Variants in BCO1 observed in about 807,000 individuals in gnomAD.
BCO1 encodes the protein beta-carotene oxygenase 1.
BCO1 carries 54 observed loss-of-function variants against 56.3 expected under a neutral mutation model. The ratio of observed to expected loss-of-function variants is 0.96; its 90% CI spans 0.77 to 1.20. The LOEUF (loss-of-function observed/expected upper bound fraction) is 1.20, where lower values mean the gene tolerates loss of function less well. BCO1 is among the 50% of genes most tolerant of loss of function. The pLI, the probability that BCO1 is intolerant of heterozygous loss-of-function variation, is 0.00. For synonymous variants in BCO1, 318 were observed against 266.1 expected, an observed-to-expected ratio of 1.20 and a Z score of -1.90; for missense variants, 801 against 690.9, an observed-to-expected ratio of 1.16 and a Z score of -1.79.
intron 1 of BCO1, among the ~76,000 whole-genome samples, chr16:81,244,153 A>C (rs1217996328): frequency 1.3e-5 from 2 of 152,228 alleles, no homozygotes; most frequent in East Asian, 3.9e-4. Flanking sequence ...AGCTGCAGGC[A>C]TTTGCAGAAA....
intron 1 of BCO1, among the ~76,000 whole-genome samples, chr16:81,240,652 C>G (rs1029354762): frequency 1.3e-5 from 2 of 151,792 alleles, no homozygotes; most frequent in African/African-American, 2.4e-5. Context: ...TTGCAGTGAG[C>G]TGAGATCGTG....
Position 81,264,755 on chromosome 16 carries a change from A to T in BCO1, c.587A>T (p.Tyr196Phe), listed in dbSNP as rs1906706082. 1 of 1,614,072 alleles carries T rather than the reference A, an allele frequency of 6.2e-7. No individual in the cohort carries two copies. Among genetic ancestry groups the T allele is most frequent in the African/African-American group, 1.3e-5 (1 of 74,918 alleles). ...TSIVEKGKTK[Y>F]VIFKIPATVP... is the part of the protein sequence containing the mutation. ...ATTGTGGAAAAGGGGAAGACAAAGT[A>T]TGTGATTTTTAAGATCCCTGCCACA... The change falls in exon 5 of 11, where the codon TAT (tyrosine) becomes TTT (phenylalanine). Residue 196 changes from tyrosine to phenylalanine, a missense_variant. By Grantham distance (22) the Tyr-to-Phe change is conservative. Transcript: ENST00000258168.
chr16:81,268,302 G>T lies in BCO1; in HGVS notation c.843+171G>T, dbSNP rs200031322. Among the ~76,000 whole-genome samples the T allele has an allele frequency of 6.6e-5, 10 of 152,242 alleles. No individual in the cohort carries two copies. The East Asian group carries it at 1.9e-3, about 29-fold the overall frequency. ...CTGAAGCTGGATGGTCCTTCAGAAT[G>T]GCCCCCAGGCCTTTGTACCCCCACG... On this transcript the variant is annotated intron_variant, in intron 6 of 10. Transcript: ENST00000258168.
At chr16:81,282,880 G>GC (rs1375356746) in intron 8 of BCO1, among the ~76,000 whole-genome samples, 2 of 152,092 alleles carry the variant, frequency 1.3e-5, no homozygotes, top group African/African-American at 2.4e-5. Context: ...TTTCATCCCG[G>GC]CAGTGTCATT....
At chr16:81,278,198 C>T (rs775642067) in intron 7 of BCO1, among the ~76,000 whole-genome samples, 4 of 152,048 alleles carry the variant, frequency 2.6e-5, no homozygotes, top group African/African-American at 7.2e-5. Context: ...TGTGCTACCA[C>T]GCAGGGCTAA....
At chr16:81,285,962 A>G (rs1312422452) in intron 9 of BCO1, among the ~76,000 whole-genome samples, 1 of 151,774 alleles carries the variant, frequency 6.6e-6, no homozygotes, top group East Asian at 1.9e-4. Context: ...GACCTAAGGA[A>G]CTCACCCTCT....
intron 2 of BCO1, among the ~76,000 whole-genome samples, chr16:81,254,870 C>T (rs975082067): frequency 6.6e-6 from 1 of 152,144 alleles, no homozygotes; most frequent in African/African-American, 2.4e-5. Context: ...GATCTTGGCT[C>T]ACTGTAGCCT....
chr16:81,287,382 C>G lies in BCO1; in HGVS notation c.1390C>G (p.Pro464Ala). The G allele has an allele frequency of 6.2e-7, 1 of 1,613,978 alleles. No homozygotes were observed. The highest frequency in any genetic ancestry group is 8.5e-7 in the Non-Finnish European group (1 of 1,179,954). The change falls in exon 10 of 11, where the codon CCA becomes GCA. Residue 464 changes from proline to alanine, a missense_variant. Physicochemically the swap from Pro to Ala is conservative, Grantham distance 27. Coordinates refer to ENST00000258168, the MANE Select transcript of BCO1 (RefSeq NM_017429.3). Reference sequence around the variant, plus strand: ...AGCGGAACCCCTGTTTGTGCCCGCGCCAGGTGCCAAGGATGAGGATGACGG... The same window carrying G: ...AGCGGAACCCCTGTTTGTGCCCGCGGCAGGTGCCAAGGATGAGGATGACGG... ...WPAEPLFVPA[P>A]GAKDEDDGVI...
chr16:81,260,697 C>T (rs1320906315), intron 3 of BCO1, among the ~76,000 whole-genome samples: 2 of 152,050 alleles, frequency 1.3e-5, no homozygotes, highest in South Asian at 2.1e-4. Flanking sequence ...TCAGTAGAGA[C>T]GGGGTTTCAC....
chr16:81,267,136 T>C (rs948306189), intron 5 of BCO1, among the ~76,000 whole-genome samples: 10 of 152,192 alleles, frequency 6.6e-5, no homozygotes, highest in African/African-American at 2.4e-4. Flanking sequence ...CATTCTGTTC[T>C]CTACCTTCAC....
chr16:81,282,919 C>T (rs553892477), intron 8 of BCO1, among the ~76,000 whole-genome samples: 13 of 152,222 alleles, frequency 8.5e-5, no homozygotes, highest in South Asian at 2.1e-4. Flanking sequence ...GATTTGTTCA[C>T]GTACATCAAG....
At chr16:81,244,717 C>CTTTTTTTTTTTT (rs55904406) in intron 1 of BCO1, among the ~76,000 whole-genome samples, 1 of 129,220 alleles carries the variant, frequency 7.7e-6, no homozygotes, top group African/African-American at 3.0e-5. Context: ...TTGCCCCTAT[C>CTTTTTTTTTTTT]TTTTTTTTTT....
chr16:81,257,128 C>T (rs1201426695), intron 2 of BCO1, among the ~76,000 whole-genome samples: 1 of 152,144 alleles, frequency 6.6e-6, no homozygotes, highest in African/African-American at 2.4e-5. Context: ...AAATTCTACT[C>T]ATCCTTTAAG....
rs78699050 is a variant in BCO1, at chr16:81,245,485, A to T, written c.75A>T (p.Pro25=). 2.0e-4 allele frequency: 330 copies of T among 1,614,238 alleles called. 1 individual carries two copies. The African/African-American group carries it at 4.1e-3, about 20-fold the overall frequency. The change falls in exon 2 of 11, where the codon CCA becomes CCT. Residue 25 remains proline, a synonymous_variant. Coordinates refer to ENST00000258168, the MANE Select transcript of BCO1 (RefSeq NM_017429.3). ...TCTCTCTTTTCTCAGGCAAGATTCCAGCATGGCTGCAGGGAACCCTGCTCC... is the reference window on the plus strand; with the variant it reads ...TCTCTCTTTTCTCAGGCAAGATTCCTGCATGGCTGCAGGGAACCCTGCTCC... ...PVRAKVTGKI[P]AWLQGTLLRN...
In BCO1 at chr16:81,249,388, C is replaced by T. The variant is rs554013991; in HGVS notation, c.193+3785C>T. Among the ~76,000 whole-genome samples the T allele has an allele frequency of 2.6e-5, 4 of 152,192 alleles. No individual in the cohort carries two copies. In the East Asian group the frequency reaches 7.7e-4, roughly 29 times the overall value. On this transcript the variant is annotated intron_variant, in intron 2 of 10. Transcript: ENST00000258168. ...TCTCCTGTGTCAGCCTCCCGAGTAG[C>T]TGGGACTACAGGCTCCCACCACCAC...
chr16:81,288,114 C>T (rs1297619695), intron 10 of BCO1, among the ~76,000 whole-genome samples: 1 of 152,130 alleles, frequency 6.6e-6, no homozygotes, highest in African/African-American at 2.4e-5. Context: ...TAGAGGTGAC[C>T]TCCCAGAAGC....
chr16:81,269,192 C>T (rs755238774), intron 6 of BCO1, among the ~76,000 whole-genome samples: 2 of 150,774 alleles, frequency 1.3e-5, no homozygotes, highest in Non-Finnish European at 2.9e-5. Context: ...CCCCAACTCA[C>T]TTCCCCCCTC....
chr16:81,262,091 G>A, intron 3 of BCO1, 45 bp from the exon 4 acceptor site: 1 of 1,606,000 alleles, frequency 6.2e-7, no homozygotes, highest in Non-Finnish European at 8.5e-7. Context: ...TTCTCTGGCT[G>A]GGTGGACATA....
intron 7 of BCO1, among the ~76,000 whole-genome samples, chr16:81,277,219 G>C (rs1156784203): frequency 1.3e-5 from 2 of 152,140 alleles, no homozygotes; most frequent in Non-Finnish European, 2.9e-5. Context: ...TAATTTGCTT[G>C]GTGTATTTAG....
Sources: gnomAD v4.1 joint callset for allele counts (sites outside exome capture counted in the v4.1 genomes callset) on GRCh38, gnomAD v4.1.1 for gene constraint, MANE v1.5 for transcripts, NCBI Gene and HGNC (gene_info 2026-07-23, HGNC 2026-07-21) for gene names.